Variants in ITPR2 observed in about 807,000 individuals in gnomAD.
ITPR2 encodes the protein inositol 1,4,5-trisphosphate receptor type 2, also known as inositol 1,4,5-trisphosphate-gated calcium channel ITPR2.
A neutral mutation model predicts 317.1 loss-of-function variants in ITPR2; 207 were observed. The observed-to-expected ratio is 0.65, with a 90% CI of 0.58 to 0.73. The LOEUF is 0.73. Ranked by LOEUF, ITPR2 falls within the 30% of genes least tolerant of loss-of-function variation. The pLI, the probability that ITPR2 is intolerant of heterozygous loss-of-function variation, is 0.00. For missense variants in ITPR2, 2,613 were observed against 3,284.0 expected, an observed-to-expected ratio of 0.80 and a Z score of 4.99; for synonymous variants, 1,156 against 1,149.1, an observed-to-expected ratio of 1.01 and a Z score of -0.12.
chr12:26,466,463 G>A (rs999456679), intron 45 of ITPR2, among the ~76,000 whole-genome samples: 5 of 152,090 alleles, frequency 3.3e-5, no homozygotes, highest in African/African-American at 1.2e-4. Context: ...CATGGCTTTT[G>A]ATCTTGTATT....
intron 13 of ITPR2, among the ~76,000 whole-genome samples, chr12:26,670,861 G>A (rs1228843490): frequency 2.0e-5 from 3 of 152,136 alleles, no homozygotes; most frequent in Non-Finnish European, 2.9e-5. Context: ...TTAAAGGAGC[G>A]ATGGAGCTGA....
chr12:26,482,230 C>G (rs1942558181), intron 42 of ITPR2, among the ~76,000 whole-genome samples: 1 of 152,186 alleles, frequency 6.6e-6, no homozygotes, highest in African/African-American at 2.4e-5. Flanking sequence ...TAAAATATTT[C>G]CCAAACTTAA....
intron 1 of ITPR2, among the ~76,000 whole-genome samples, chr12:26,823,074 G>C (rs1379826631): frequency 2.0e-5 from 3 of 151,958 alleles, no homozygotes; most frequent in Non-Finnish European, 4.4e-5. Context: ...CCTCCTCCTT[G>C]AAGCTCCCGC....
intron 2 of ITPR2, among the ~76,000 whole-genome samples, chr12:26,746,793 A>C (rs190023971): frequency 9.3e-4 from 141 of 151,536 alleles, no homozygotes; most frequent in African/African-American, 3.2e-3. Context: ...TCCAAAGAGC[A>C]CAAGTGTTCT....
At chr12:26,594,760 G>A (rs1434829529) in intron 32 of ITPR2, among the ~76,000 whole-genome samples, 2 of 150,928 alleles carry the variant, frequency 1.3e-5, no homozygotes, top group African/African-American at 4.9e-5. Flanking sequence ...AGGCTAAGAT[G>A]TGCTAAAGAA....
At chr12:26,381,627 A>C (rs1353472667) in intron 55 of ITPR2, among the ~76,000 whole-genome samples, 1 of 152,254 alleles carries the variant, frequency 6.6e-6, no homozygotes. Context: ...TAACAAAAAC[A>C]TGAGTTAAAT....
At chr12:26,739,131 G>T (rs1949185289) in intron 2 of ITPR2, among the ~76,000 whole-genome samples, 1 of 152,138 alleles carries the variant, frequency 6.6e-6, no homozygotes, top group Non-Finnish European at 1.5e-5. Flanking sequence ...CCACTAGAAT[G>T]GCTACAATTA....
At chr12:26,655,877 G>C in intron 19 of ITPR2, 25 bp from the exon 20 acceptor site, 5 of 1,592,904 alleles carry the variant, frequency 3.1e-6, no homozygotes, top group Non-Finnish European at 3.4e-6. Context: ...AGAAGATAAC[G>C]CAAGTTAAAC....
chr12:26,701,558 GT>G, intron 9 of ITPR2, among the ~76,000 whole-genome samples: 1 of 152,264 alleles, frequency 6.6e-6, no homozygotes, highest in South Asian at 2.1e-4. Flanking sequence ...TTATTCGTAT[GT>G]ATAGGGTCTG....
intron 11 of ITPR2, among the ~76,000 whole-genome samples, chr12:26,683,702 T>G (rs887448533): frequency 6.6e-6 from 1 of 152,234 alleles, no homozygotes; most frequent in African/African-American, 2.4e-5. Flanking sequence ...CAGTATTTGC[T>G]AATTCCATGT....
At chr12:26,784,406 G>T (rs1359950452) in intron 2 of ITPR2, among the ~76,000 whole-genome samples, 1 of 147,148 alleles carries the variant, frequency 6.8e-6, no homozygotes, top group Non-Finnish European at 1.5e-5. Flanking sequence ...GCCGAGCCAA[G>T]GCTGGACGGT....
intron 2 of ITPR2, among the ~76,000 whole-genome samples, chr12:26,788,634 C>G (rs1474033532): frequency 6.6e-6 from 1 of 152,202 alleles, no homozygotes; most frequent in Non-Finnish European, 1.5e-5. Flanking sequence ...CACCCACATT[C>G]CTCCACATAT....
chr12:26,487,392 T>C, intron 39 of ITPR2, 141 bp from the exon 40 acceptor site: 1 of 596,080 alleles, frequency 1.7e-6, no homozygotes, highest in Admixed American at 3.3e-5. Context: ...TGACAGCCTT[T>C]GCCAGTTTCT....
intron 1 of ITPR2, among the ~76,000 whole-genome samples, chr12:26,798,935 G>C (rs1362445291): frequency 1.6e-4 from 24 of 152,178 alleles, no homozygotes; most frequent in Admixed American, 1.6e-3. Flanking sequence ...GACAAGAGGA[G>C]TTAAGTGCAC....
intron 2 of ITPR2, among the ~76,000 whole-genome samples, chr12:26,751,154 TG>T (rs1478722150): frequency 6.6e-6 from 1 of 152,214 alleles, no homozygotes; most frequent in Non-Finnish European, 1.5e-5. Flanking sequence ...AACTTTCTTC[TG>T]CTTATGTTCA....
intron 1 of ITPR2, among the ~76,000 whole-genome samples, chr12:26,812,233 T>C (rs148562590): frequency 6.6e-6 from 1 of 151,618 alleles, no homozygotes; most frequent in Non-Finnish European, 1.5e-5. Flanking sequence ...TATGATTCAA[T>C]TCCTGCTAAT....
At chr12:26,393,090 G>A (rs949426732) in intron 54 of ITPR2, among the ~76,000 whole-genome samples, 2 of 152,198 alleles carry the variant, frequency 1.3e-5, no homozygotes, top group African/African-American at 4.8e-5. Context: ...CTTCAAGGCT[G>A]GGAAAGTTCC....
At chr12:26,583,762 T>C (rs1945457341) in intron 32 of ITPR2, among the ~76,000 whole-genome samples, 1 of 152,164 alleles carries the variant, frequency 6.6e-6, no homozygotes, top group African/African-American at 2.4e-5. Context: ...TCCCCAAATC[T>C]CTAATATACT....
At chr12:26,646,217 A>C (rs1348768526) in intron 21 of ITPR2, among the ~76,000 whole-genome samples, 2 of 152,160 alleles carry the variant, frequency 1.3e-5, no homozygotes, top group Non-Finnish European at 2.9e-5. Flanking sequence ...AAGAGATTGC[A>C]AAGATCATAT....
Sources: gnomAD v4.1 joint callset for allele counts (sites outside exome capture counted in the v4.1 genomes callset) on GRCh38, gnomAD v4.1.1 for gene constraint, MANE v1.5 for transcripts, NCBI Gene and HGNC (gene_info 2026-07-23, HGNC 2026-07-21) for gene names.